The following SYP variants were observed in gnomAD, a reference collection of about 807,000 sequenced individuals.
The protein encoded by SYP is synaptophysin, also known as major synaptic vesicle protein P38.
A neutral mutation model predicts 24.3 loss-of-function variants in SYP; 2 were observed. That is an observed-to-expected ratio of 0.08 (90% CI 0.03 to 0.26). The LOEUF (loss-of-function observed/expected upper bound fraction) is 0.26. Ranked by LOEUF, SYP falls within the 10% of genes least tolerant of loss-of-function variation. The probability of loss-of-function intolerance (pLI) is 1.00; values close to 1 mark genes in which losing one functional copy is unlikely to be tolerated. For synonymous variants in SYP, 143 were observed against 123.2 expected, an observed-to-expected ratio of 1.16 and a Z score of -1.07; for missense variants, 216 against 266.3, an observed-to-expected ratio of 0.81 and a Z score of 1.32.
chrX:49,194,480 A>C, intron 3 of SYP, 119 bp from the exon 4 acceptor site: 1 of 661,483 alleles, frequency 1.5e-6, no homozygotes, highest in Non-Finnish European at 2.3e-6. Context: ...ATAACCATTC[A>C]TCGAGCACCT....
intron 3 of SYP, 41 bp from the exon 4 acceptor site, chrX:49,194,402 A>G: frequency 8.5e-7 from 1 of 1,171,261 alleles, no homozygotes; most frequent in Middle Eastern, 3.1e-4. Context: ...GCCCCTCAGA[A>G]CACCCTCAAC....
chrX:49,190,355 T>C (rs1303443234), intron 6 of SYP, among the ~76,000 whole-genome samples: 3 of 109,595 alleles, frequency 2.7e-5, no homozygotes, highest in Admixed American at 1.9e-4. Flanking sequence ...AATTTTTATA[T>C]GTTTAGTAGA....
At chrX:49,199,286 A>T in intron 1 of SYP, 1 of 378,683 alleles carries the variant, frequency 2.6e-6, no homozygotes, top group Non-Finnish European at 4.7e-6. Context: ...AGGACTAGTT[A>T]AGGAGGGGGA....
intron 1 of SYP, among the ~76,000 whole-genome samples, chrX:49,199,923 C>T (rs1035608761): frequency 7.2e-5 from 8 of 111,396 alleles, no homozygotes; most frequent in African/African-American, 9.8e-5. Flanking sequence ...GCTCCGGGGG[C>T]CCCCGCTGCG....
intron 5 of SYP, among the ~76,000 whole-genome samples, chrX:49,192,225 G>A (rs2065512639): frequency 9.0e-6 from 1 of 111,430 alleles, no homozygotes; most frequent in Admixed American, 9.5e-5. Flanking sequence ...ATGGAGTTTC[G>A]CTCTTGTTGC....
chrX:49,195,382 G>A (rs1557103294), intron 3 of SYP, among the ~76,000 whole-genome samples: 8 of 110,882 alleles, frequency 7.2e-5, no homozygotes, highest in Non-Finnish European at 1.9e-5. Context: ...CAGCTGGCAA[G>A]GGAATGTCAG....
chrX:49,191,915 A>C, intron 5 of SYP, 152 bp from the exon 6 acceptor site: 3 of 647,144 alleles, frequency 4.6e-6, no homozygotes, highest in East Asian at 3.6e-5. Flanking sequence ...GAGAACGTCG[A>C]TGTGCAGAAA....
rs943753981 is a variant in SYP, at chrX:49,199,137, C to G, written c.37-104G>C. On this transcript the variant is annotated intron_variant, in intron 1 of 6. Transcript: ENST00000263233. ...CCCCAGGGGATGGAGCATGTGACCT[C>G]GGGGAGAGGGTGAGAAGGAGAAAGT... The G allele has an allele frequency of 3.7e-6, 3 of 807,174 alleles. No individual in the cohort carries two copies. In the Admixed American group the frequency reaches 7.8e-5, roughly 21 times the overall value. 66.5% of individuals were successfully genotyped at this position (807,174 alleles called of 1,213,427 possible).
intron 5 of SYP, among the ~76,000 whole-genome samples, chrX:49,192,257 C>T (rs782120755): frequency 5.4e-5 from 6 of 112,018 alleles, no homozygotes; most frequent in Non-Finnish European, 9.4e-5. Flanking sequence ...TGCAATGGCA[C>T]GATCTCGGCT....
intron 3 of SYP, 101 bp downstream of exon 3, chrX:49,197,614 G>A: frequency 9.0e-7 from 1 of 1,106,644 alleles, no homozygotes; most frequent in Non-Finnish European, 1.2e-6. Context: ...TAGCCTCGAG[G>A]TGGGAGCTGG....
chrX:49,196,461 T>C (rs1262188335), intron 3 of SYP, among the ~76,000 whole-genome samples: 1 of 111,796 alleles, frequency 8.9e-6, no homozygotes, highest in Non-Finnish European at 1.9e-5. Context: ...CTTTCCTGAG[T>C]CCCTTAAATT....
chrX:49,194,102 T>C (rs188542009), intron 4 of SYP, 64 bp downstream of exon 4: 2 of 1,168,228 alleles, frequency 1.7e-6, no homozygotes, highest in African/African-American at 3.6e-5. Context: ...TCTGTGAGCA[T>C]GGCTGTGTCC....
chrX:49,187,929 G>A lies in SYP; in HGVS notation c.*1358C>T, dbSNP rs1557102164. On this transcript the variant is annotated 3_prime_UTR_variant, in exon 7 of 7. Coordinates refer to ENST00000263233, the MANE Select transcript of SYP (RefSeq NM_003179.3). ...GGAAAGGGTAGGGGTCTGGAGGGGAGAAGGAGGGGCCACAGCCAGACAAAA... is the reference window on the plus strand; with the variant it reads ...GGAAAGGGTAGGGGTCTGGAGGGGAAAAGGAGGGGCCACAGCCAGACAAAA... The A allele has an allele frequency of 9.0e-6, 1 of 111,459 alleles. No homozygotes were observed. The highest frequency in any genetic ancestry group is 1.9e-5 in the Non-Finnish European group (1 of 53,100). 9.2% of individuals were successfully genotyped at this position (111,459 alleles called of 1,213,427 possible).
At chrX:49,194,701 C>T (rs1375258056) in intron 3 of SYP, among the ~76,000 whole-genome samples, 2 of 82,737 alleles carry the variant, frequency 2.4e-5, no homozygotes, top group Non-Finnish European at 4.9e-5. Context: ...ACTCCCTCAT[C>T]TCCTTTTTTT....
chrX:49,194,243 G>C lies in SYP; in HGVS notation c.346C>G (p.Leu116Val). 6 of 1,211,862 alleles carry C rather than the reference G, an allele frequency of 5.0e-6. No homozygotes were observed. The highest frequency in any genetic ancestry group is 6.7e-6 in the Non-Finnish European group (6 of 895,517). ...FFVTVAVFAF[L>V]YSMGALATYI... ...GTGGCCAGAGCCCCCATGGAGTAGA[G>C]GAAGGCAAACACGGCCACGGTGACA... The change falls in exon 4 of 7, where the codon CTC (leucine) becomes GTC (valine). Residue 116 changes from leucine (L) to valine (V), a missense_variant. This residue lies in a region of SYP where 102 missense variants were observed against 158.4 expected (regional missense o/e 0.64). Transcript: ENST00000263233.
chrX:49,199,807 G>A (rs935544375), intron 1 of SYP, among the ~76,000 whole-genome samples: 2 of 98,265 alleles, frequency 2.0e-5, no homozygotes, highest in African/African-American at 7.8e-5. Flanking sequence ...TAGCTTATCC[G>A]CAGCACCCCC....
chrX:49,193,282 T>A lies in SYP; in HGVS notation c.605A>T (p.Asn202Ile). 1 of 1,211,899 alleles carries A rather than the reference T, an allele frequency of 8.3e-7. No individual in the cohort carries two copies. Among genetic ancestry groups the A allele is most frequent in the Non-Finnish European group, 1.1e-6 (1 of 895,443 alleles). Residue 202 changes from asparagine (N) to isoleucine (I), a missense_variant, in exon 5 of 7, where the codon AAC (asparagine) becomes ATC (isoleucine). Asn to Ile is a moderately radical substitution (Grantham distance 149). Around this residue, in one of 2 missense-constraint regions of SYP, gnomAD observed 114 missense variants for 107.9 expected, o/e 1.06. Coordinates refer to ENST00000263233, the MANE Select transcript of SYP (RefSeq NM_003179.3). ...ELRDPVTSGL[N>I]TSVVFGFLNL... is the part of the protein sequence containing the mutation. Reference sequence around the variant, plus strand: ...GCACCCAGGGCTTACCACCGAGGTGTTGAGTCCCGAGGTCACAGGGTCTCT... The same window carrying A: ...GCACCCAGGGCTTACCACCGAGGTGATGAGTCCCGAGGTCACAGGGTCTCT...
intron 5 of SYP, among the ~76,000 whole-genome samples, chrX:49,192,508 A>G (rs2065513954): frequency 8.9e-6 from 1 of 112,791 alleles, no homozygotes; most frequent in Admixed American, 9.4e-5. Context: ...AAGTAATTTT[A>G]AGACATAAAA....
intron 1 of SYP, among the ~76,000 whole-genome samples, chrX:49,199,562 A>G (rs1420224937): frequency 1.1e-5 from 1 of 92,365 alleles, no homozygotes; most frequent in Non-Finnish European, 2.1e-5. Flanking sequence ...GACGAGAGAC[A>G]TGGCGGAGAG....
Sources: gnomAD v4.1 joint callset for allele counts (sites outside exome capture counted in the v4.1 genomes callset) on GRCh38, gnomAD v4.1.1 for gene constraint, gnomAD v4.1.1 regional missense constraint, MANE v1.5 for transcripts, NCBI Gene and HGNC (gene_info 2026-07-23, HGNC 2026-07-21) for gene names.